Variants in CACNG7 observed in about 807,000 individuals in gnomAD.
CACNG7 encodes the protein voltage-dependent calcium channel gamma-7 subunit.
Under a neutral mutation model 26.3 loss-of-function variants are expected in CACNG7, and 9 were observed. That is an observed-to-expected ratio of 0.34 (90% CI 0.21 to 0.60). CACNG7 has a LOEUF of 0.60. Ranked by LOEUF, CACNG7 falls within the 20% of genes least tolerant of loss-of-function variation. The probability of loss-of-function intolerance (pLI) is 0.81; values close to 1 mark genes in which losing one functional copy is unlikely to be tolerated. For synonymous variants in CACNG7, 170 were observed against 157.0 expected (o/e 1.08, Z -0.62); for missense variants, 297 against 380.4 (o/e 0.78, Z 1.82).
At chr19:53,941,752 C>A (rs1190543165) in intron 5 of CACNG7, 137 bp downstream of exon 5, 2 of 1,136,874 alleles carry the variant, frequency 1.8e-6, no homozygotes, top group Non-Finnish European at 2.5e-6. Context: ...GAGGGTCTAA[C>A]CCCTGGGTCC....
At position 53,921,004 on chromosome 19, in the gene CACNG7, CATTGGTGGAGTTGCCCCAGGCTGG is replaced by C. The variant is rs1314227909; in HGVS notation, c.424+5500_424+5523del. On this transcript the variant is annotated intron_variant, in intron 4 of 5. Coordinates refer to ENST00000391767, the MANE Select transcript of CACNG7 (RefSeq NM_031896.5). ...ATTGGTGGAGTTGCCCCAGGCTGGT[CATTGGTGGAGTTGCCCCAGGCTGG>C]TCATTGGTGGAGTTGCCCCAGGCCT... 1.4e-3 allele frequency among the ~76,000 whole-genome samples: 98 copies of C among 69,492 alleles called. 3 individuals are homozygous for C. Among genetic ancestry groups the C allele is most frequent in the African/African-American group, 9.1e-3 (92 of 10,140 alleles). The allele number at this position is 69,492 out of a possible 152,430, so 45.6% of individuals were successfully genotyped here. A position where few individuals can be genotyped will look rare whatever the true frequency, so the allele number is the denominator to read the frequency against.
chr19:53,942,460 C>A lies in CACNG7; in HGVS notation c.*167C>A, dbSNP rs146929758. ...TCCCAATGGCTCCGCCCACAGACTC[C>A]CTTATTTCAATGGCCGCGCCCTCTT... On this transcript the variant is annotated 3_prime_UTR_variant, in exon 6 of 6. Coordinates refer to ENST00000391767, the MANE Select transcript of CACNG7 (RefSeq NM_031896.5). The surrounding 1 kb of genome is among the most constrained non-coding windows in gnomAD (Gnocchi z 5.9). 2,434 of 1,465,162 alleles carry A rather than the reference C, an allele frequency of 1.7e-3. 21 individuals carry two copies. The highest frequency in any genetic ancestry group is 0.013 in the African/African-American group (934 of 70,612). 90.8% of individuals were successfully genotyped at this position (1,465,162 alleles called of 1,614,324 possible).
chr19:53,919,931 G>A (rs1328684069), intron 4 of CACNG7, among the ~76,000 whole-genome samples: 1 of 132,588 alleles, frequency 7.5e-6, no homozygotes, highest in Non-Finnish European at 1.6e-5. Flanking sequence ...TTGTCCCCAG[G>A]CCTGGTATTG....
At position 53,939,304 on chromosome 19, in the gene CACNG7, A is replaced by G. The variant is rs1032176407; in HGVS notation, c.425-2166A>G. 6.6e-6 allele frequency among the ~76,000 whole-genome samples: 1 copy of G among 152,182 alleles called. No individual in the cohort carries two copies. The highest frequency in any genetic ancestry group is 2.4e-5 in the African/African-American group (1 of 41,444). On this transcript the variant is annotated intron_variant, in intron 4 of 5. Coordinates refer to ENST00000391767, the MANE Select transcript of CACNG7 (RefSeq NM_031896.5). The surrounding 1 kb of genome is among the most constrained non-coding windows in gnomAD (Gnocchi z 4.2). ...AACAAAATTGAGATGTAATTCACAT[A>G]CTATAAATTTCATATAATTCAGTGA...
In CACNG7 at chr19:53,942,161, G is replaced by C; in HGVS notation, c.696G>C (p.Leu232=). Residue 232 remains leucine (L), a synonymous_variant, in exon 6 of 6, where the codon CTG becomes CTC. Transcript: ENST00000391767. This position sits in a 1 kb window ranked among gnomAD's most constrained non-coding sequence, Gnocchi z 5.9. ...GCTCCGACTACTCGGGCCAGTTCCT[G>C]CAGCCCGAGGCGTGGCGCCGCGGCC... ...SDCSDYSGQF[L]QPEAWRRGRS... 6.2e-7 allele frequency: 1 copy of C among 1,614,012 alleles called. No individual in the cohort carries two copies. Among genetic ancestry groups the C allele is most frequent in the Non-Finnish European group, 8.5e-7 (1 of 1,179,938 alleles).
intron 4 of CACNG7, among the ~76,000 whole-genome samples, chr19:53,920,679 T>C (rs1599974505): frequency 3.1e-5 from 3 of 96,638 alleles, no homozygotes; most frequent in East Asian, 2.9e-4. Context: ...TTGCCCCAGG[T>C]CTGGTCATTG....
intron 4 of CACNG7, among the ~76,000 whole-genome samples, chr19:53,941,117 C>T (rs1254782990): frequency 1.3e-5 from 2 of 151,930 alleles, no homozygotes; most frequent in African/African-American, 2.4e-5. Flanking sequence ...ATCTTTCCTT[C>T]ATTTCTCTTG....
At chr19:53,915,880 G>A (rs1409497312) in intron 4 of CACNG7, among the ~76,000 whole-genome samples, 1 of 152,170 alleles carries the variant, frequency 6.6e-6, no homozygotes, top group Non-Finnish European at 1.5e-5. Flanking sequence ...TGAAACTCAC[G>A]CAATTCGCCT....
chr19:53,911,372 C>G (rs902361365), intron 1 of CACNG7, among the ~76,000 whole-genome samples: 4 of 152,056 alleles, frequency 2.6e-5, no homozygotes, highest in African/African-American at 9.7e-5. Context: ...AGTCTCAGCT[C>G]CTGATTTTGA....
intron 4 of CACNG7, among the ~76,000 whole-genome samples, chr19:53,917,897 T>C (rs952184821): frequency 7.9e-5 from 12 of 152,160 alleles, no homozygotes; most frequent in Non-Finnish European, 4.4e-5. Flanking sequence ...AATCCATGCT[T>C]ATACCACCCA....
At chr19:53,921,304 T>C (rs113630760) in intron 4 of CACNG7, among the ~76,000 whole-genome samples, 4,398 of 99,456 alleles carry the variant, frequency 0.044, 4 homozygotes, top group Middle Eastern at 0.06. Flanking sequence ...TGGTCATTGG[T>C]GGACTTGCCC....
intron 4 of CACNG7, among the ~76,000 whole-genome samples, chr19:53,929,064 G>A (rs1219755524): frequency 6.9e-6 from 1 of 144,258 alleles, no homozygotes; most frequent in Non-Finnish European, 1.5e-5. Flanking sequence ...AGCTGAGATG[G>A]CGCCATTACA....
intron 4 of CACNG7, among the ~76,000 whole-genome samples, chr19:53,923,934 T>C (rs1202595594): frequency 1.6e-5 from 2 of 129,006 alleles, no homozygotes; most frequent in Non-Finnish European, 1.6e-5. Context: ...TGTCCCCAGG[T>C]CTGGTATTGG....
chr19:53,921,420 C>T (rs1207642114), intron 4 of CACNG7, among the ~76,000 whole-genome samples: 9 of 144,076 alleles, frequency 6.2e-5, no homozygotes, highest in South Asian at 2.2e-4. Flanking sequence ...GGTGGAGTTG[C>T]CCCAGGCTGG....
intron 4 of CACNG7, among the ~76,000 whole-genome samples, chr19:53,918,519 C>T (rs921204082): frequency 6.6e-6 from 1 of 152,084 alleles, no homozygotes; most frequent in Non-Finnish European, 1.5e-5. Flanking sequence ...CTGCTTAGCT[C>T]ACAAACCATA....
At chr19:53,925,484 G>GCTGGTCATTGGTGGACCTGCCCCAGGT (rs2069021432) in intron 4 of CACNG7, among the ~76,000 whole-genome samples, 1 of 116,684 alleles carries the variant, frequency 8.6e-6, no homozygotes, top group African/African-American at 3.7e-5. Flanking sequence ...GTTGCCCCAG[G>GCTGGTCATTGGTGGACCTGCCCCAGGT]CTGGTCATTG....
chr19:53,929,834 G>A (rs910613155), intron 4 of CACNG7, among the ~76,000 whole-genome samples: 6 of 152,124 alleles, frequency 3.9e-5, no homozygotes, highest in African/African-American at 1.4e-4. Flanking sequence ...GTTAATTCTT[G>A]GAAGGGATAG....
chr19:53,942,590 C>T lies in CACNG7; in HGVS notation c.*297C>T. The T allele has an allele frequency of 1.5e-6, 2 of 1,299,476 alleles. No individual in the cohort carries two copies. Among genetic ancestry groups the T allele is most frequent in the Non-Finnish European group, 2.0e-6 (2 of 1,021,910 alleles). 80.5% of individuals were successfully genotyped at this position (1,299,476 alleles called of 1,614,324 possible). A position where few individuals can be genotyped will look rare whatever the true frequency, so the allele number is the denominator to read the frequency against. ...CCCCTCCTCTCCAAGAAAATTAGCT[C>T]CTCCCTCGTTCTCCACCTGCTCTGA... is the stretch of plus-strand genomic sequence containing the variant. On this transcript the variant is annotated 3_prime_UTR_variant, in exon 6 of 6. Transcript: ENST00000391767. This position sits in a 1 kb window ranked among gnomAD's most constrained non-coding sequence, Gnocchi z 5.9.
At chr19:53,924,346 G>C (rs1300975747) in intron 4 of CACNG7, among the ~76,000 whole-genome samples, 1 of 141,440 alleles carries the variant, frequency 7.1e-6, no homozygotes, top group Admixed American at 7.2e-5. Context: ...CCGCAGGTCT[G>C]GTCATTGGTG....
Sources: gnomAD v4.1 joint callset for allele counts (sites outside exome capture counted in the v4.1 genomes callset) on GRCh38, gnomAD v4.1.1 for gene constraint, Gnocchi (gnomAD v3.1) non-coding constraint, MANE v1.5 for transcripts, NCBI Gene and HGNC (gene_info 2026-07-23, HGNC 2026-07-21) for gene names.